Variants in HMCN1 observed in about 807,000 individuals in gnomAD.
The protein encoded by HMCN1 is hemicentin-1.
In HMCN1, 321 loss-of-function variants were observed where a neutral mutation model predicts 625.9. The ratio of observed to expected loss-of-function variants is 0.51; its 90% CI spans 0.47 to 0.56. The LOEUF (loss-of-function observed/expected upper bound fraction) is 0.56, where lower values mean the gene tolerates loss of function less well. HMCN1 is among the 20% of genes least tolerant of loss of function. The probability of loss-of-function intolerance (pLI) is 0.00; values close to 1 mark genes in which losing one functional copy is unlikely to be tolerated. For missense variants in HMCN1, 6,588 were observed against 6,887.3 expected, an observed-to-expected ratio of 0.96 and a Z score of 1.54; for synonymous variants, 2,425 against 2,417.6, an observed-to-expected ratio of 1.00 and a Z score of -0.09.
rs966958039 is a variant in HMCN1, at chr1:185,948,765, A to G, written c.1829-13753A>G. On this transcript the variant is annotated intron_variant, in intron 11 of 106. Coordinates refer to ENST00000271588, the MANE Select transcript of HMCN1 (RefSeq NM_031935.3). ...CTTATATTAATAAGAAAAATAAAAC[A>G]AAATAGTGTTGAAGTGTCGGGGCGG... Among the ~76,000 whole-genome samples, 22 of 151,574 alleles carry G rather than the reference A, an allele frequency of 1.5e-4. 1 individual carries two copies. Among genetic ancestry groups the G allele is most frequent in the African/African-American group, 5.4e-4 (22 of 41,034 alleles).
chr1:185,846,101 G>A lies in HMCN1; in HGVS notation c.339+5G>A. 1 of 1,601,956 alleles carries A rather than the reference G, an allele frequency of 6.2e-7. No homozygotes were observed. The highest frequency in any genetic ancestry group is 1.7e-4 in the Middle Eastern group (1 of 6,046). ...CTCAGAGAACTGTATGTTCAGGTGA[G>A]TGCTTGCTTTCAGTGTTCTCTTGGG... On this transcript the variant is annotated splice_donor_5th_base_variant and intron_variant, in intron 2 of 106. Coordinates refer to ENST00000271588, the MANE Select transcript of HMCN1 (RefSeq NM_031935.3).
chr1:185,845,720 A>G (rs1328873111), intron 1 of HMCN1, among the ~76,000 whole-genome samples: 1 of 152,238 alleles, frequency 6.6e-6, no homozygotes, highest in Non-Finnish European at 1.5e-5. Flanking sequence ...GGTGCTTAAT[A>G]AATATTTACT....
In HMCN1 at chr1:186,144,031, T is replaced by C. The variant is rs1033562258; in HGVS notation, c.13925-142T>C. On this transcript the variant is annotated intron_variant, in intron 89 of 106. Transcript: ENST00000271588. ...TAACCAGAAGGAGAAAGATCATCAT[T>C]TGTTATGTTTCATTTGGTTCAGTTT... The C allele has an allele frequency of 7.2e-6, 5 of 691,086 alleles. No homozygotes were observed. The African/African-American group carries it at 9.1e-5, about 13-fold the overall frequency. 42.8% of individuals were successfully genotyped at this position (691,086 alleles called of 1,614,324 possible).
intron 1 of HMCN1, among the ~76,000 whole-genome samples, chr1:185,802,314 T>C: frequency 6.6e-6 from 1 of 152,152 alleles, no homozygotes; most frequent in East Asian, 1.9e-4. Flanking sequence ...CACATCAAAC[T>C]ACAGATGATT....
intron 6 of HMCN1, among the ~76,000 whole-genome samples, chr1:185,915,851 C>A (rs1666668811): frequency 6.6e-6 from 1 of 151,952 alleles, no homozygotes; most frequent in Non-Finnish European, 1.5e-5. Context: ...GTAGTCTATA[C>A]AAGGTGTGTT....
chr1:185,824,566 A>G (rs1025817836), intron 1 of HMCN1, among the ~76,000 whole-genome samples: 2 of 152,170 alleles, frequency 1.3e-5, no homozygotes, highest in African/African-American at 4.8e-5. Context: ...ATCGGGGAGA[A>G]TGGACACTAT....
intron 1 of HMCN1, among the ~76,000 whole-genome samples, chr1:185,776,344 G>A (rs548317629): frequency 1.3e-5 from 2 of 152,000 alleles, no homozygotes; most frequent in Non-Finnish European, 2.9e-5. Context: ...TGCGTGGAAT[G>A]TTTGTTTCTG....
intron 36 of HMCN1, among the ~76,000 whole-genome samples, chr1:186,032,713 A>G (rs1160622208): frequency 1.3e-5 from 2 of 152,022 alleles, no homozygotes; most frequent in African/African-American, 2.4e-5. Flanking sequence ...TAGCAGCATG[A>G]GAACGAACTA....
At chr1:186,044,281 G>A (rs1429394186) in intron 40 of HMCN1, among the ~76,000 whole-genome samples, 3 of 152,090 alleles carry the variant, frequency 2.0e-5, no homozygotes, top group African/African-American at 7.2e-5. Context: ...TTTAGCAGAA[G>A]GAACGAAGGA....
intron 18 of HMCN1, 99 bp from the exon 19 acceptor site, chr1:185,984,070 T>C: frequency 1.1e-6 from 1 of 872,078 alleles, no homozygotes; most frequent in South Asian, 1.5e-5. Flanking sequence ...TTATAGACTT[T>C]TAGTAACCCA....
At chr1:185,945,488 T>G (rs761658848) in intron 11 of HMCN1, among the ~76,000 whole-genome samples, 1 of 152,070 alleles carries the variant, frequency 6.6e-6, no homozygotes, top group Non-Finnish European at 1.5e-5. Flanking sequence ...AACATCCATC[T>G]CCTCAAAAAG....
intron 57 of HMCN1, among the ~76,000 whole-genome samples, chr1:186,085,695 A>G (rs1052255768): frequency 1.4e-4 from 21 of 151,932 alleles, no homozygotes; most frequent in Non-Finnish European, 1.2e-4. Context: ...AATTCCTACC[A>G]TCAAATCGAG....
chr1:185,760,127 A>G (rs1655396671), intron 1 of HMCN1, among the ~76,000 whole-genome samples: 1 of 152,214 alleles, frequency 6.6e-6, no homozygotes. Context: ...ATGTGAGGAA[A>G]TACTTGTCCA....
Position 186,122,962 on chromosome 1 carries a change from A to C in HMCN1, c.12241A>C (p.Ile4081Leu), listed in dbSNP as rs747272199. ...TTTGTATATTTTAGTTCCTCCAGTC[A>C]TTAGCCCTCATCTAAAGGAATATGT... Reference protein sequence around the residue: ...IKLNVQVPPVISPHLKEYVIA... With the variant: ...IKLNVQVPPVLSPHLKEYVIA... Residue 4081 changes from isoleucine to leucine, a missense_variant, in exon 81 of 107, where the codon ATT (isoleucine) becomes CTT (leucine). Physicochemically the swap from Ile to Leu is conservative, Grantham distance 5. This residue lies in a region of HMCN1 where 1,954 missense variants were observed against 2,013.1 expected (regional missense o/e 0.97). Coordinates refer to ENST00000271588, the MANE Select transcript of HMCN1 (RefSeq NM_031935.3). 1.2e-6 allele frequency: 2 copies of C among 1,613,876 alleles called. No homozygotes were observed. Among genetic ancestry groups the C allele is most frequent in the Non-Finnish European group, 1.7e-6 (2 of 1,179,982 alleles).
intron 52 of HMCN1, among the ~76,000 whole-genome samples, chr1:186,071,415 A>G (rs1658474987): frequency 6.6e-6 from 1 of 152,186 alleles, no homozygotes; most frequent in African/African-American, 2.4e-5. Context: ...ACATATCCAT[A>G]TTTCTCATTC....
chr1:186,189,454 T>A, intron 106 of HMCN1, 58 bp from the exon 107 acceptor site: 1 of 1,596,184 alleles, frequency 6.3e-7, no homozygotes. Context: ...ATCACCTATA[T>A]CATGCCTCCT....
rs548614291 is a variant in HMCN1, at chr1:186,062,689, T to C, written c.7513+89T>C. On this transcript the variant is annotated intron_variant, in intron 48 of 106. Transcript: ENST00000271588. ...ATATATCTTAAAAATTTTTTATATA[T>C]TTAGGGGGTACAAGTGCGGTTTTGT... The C allele has an allele frequency of 1.4e-4, 118 of 835,370 alleles. No individual in the cohort carries two copies. In the African/African-American group the frequency reaches 1.8e-3, roughly 13 times the overall value. 51.7% of individuals were successfully genotyped at this position (835,370 alleles called of 1,614,324 possible). A position where few individuals can be genotyped will look rare whatever the true frequency, so the allele number is the denominator to read the frequency against.
chr1:185,956,160 A>G (rs1214398719), intron 11 of HMCN1, among the ~76,000 whole-genome samples: 1 of 152,074 alleles, frequency 6.6e-6, no homozygotes, highest in Non-Finnish European at 1.5e-5. Flanking sequence ...TTCCCATTCC[A>G]TATACCGAAC....
At chr1:185,855,440 G>T (rs1662407311) in intron 2 of HMCN1, among the ~76,000 whole-genome samples, 1 of 152,010 alleles carries the variant, frequency 6.6e-6, no homozygotes, top group African/African-American at 2.4e-5. Flanking sequence ...TTTTATTCTT[G>T]GTTGTCTCCA....
Sources: allele counts gnomAD v4.1 joint callset (sites outside exome capture counted in the v4.1 genomes callset), GRCh38; gene constraint gnomAD v4.1.1; regional missense constraint gnomAD v4.1.1; transcripts MANE v1.5; gene names NCBI Gene and HGNC (gene_info 2026-07-23, HGNC 2026-07-21).